HS6ST3: variants seen among roughly 807,000 people sequenced by gnomAD.
HS6ST3 encodes the protein heparan-sulfate 6-O-sulfotransferase 3.
HS6ST3 carries 12 observed loss-of-function variants against 36.7 expected under a neutral mutation model. The observed-to-expected ratio is 0.33, with a 90% CI of 0.21 to 0.53. The LOEUF is 0.53. Ranked by LOEUF, HS6ST3 falls within the 20% of genes least tolerant of loss-of-function variation. HS6ST3 has a pLI of 0.95. For synonymous variants in HS6ST3, 240 were observed against 257.5 expected, an observed-to-expected ratio of 0.93 and a Z score of 0.65; for missense variants, 584 against 640.9, an observed-to-expected ratio of 0.91 and a Z score of 0.96.
chr13:96,782,978 GA>G (rs1210151035), intron 1 of HS6ST3, among the ~76,000 whole-genome samples: 1 of 152,112 alleles, frequency 6.6e-6, no homozygotes, highest in Non-Finnish European at 1.5e-5. Context: ...TCATCTATAA[GA>G]ACAAGCAGAG....
chr13:96,800,890 C>G (rs1878048493), intron 1 of HS6ST3, among the ~76,000 whole-genome samples: 1 of 152,056 alleles, frequency 6.6e-6, no homozygotes, highest in Admixed American at 6.6e-5. Flanking sequence ...AAGAAAAACA[C>G]CTTTGGTGGC....
At chr13:96,505,342 C>T (rs1217011337) in intron 1 of HS6ST3, among the ~76,000 whole-genome samples, 1 of 152,130 alleles carries the variant, frequency 6.6e-6, no homozygotes, top group Non-Finnish European at 1.5e-5. Flanking sequence ...AGAATGTTCT[C>T]CCCACATTCC....
chr13:96,395,115 A>C (rs192191628), intron 1 of HS6ST3, among the ~76,000 whole-genome samples: 1 of 152,126 alleles, frequency 6.6e-6, no homozygotes, highest in African/African-American at 2.4e-5. Flanking sequence ...GAAGATTTCT[A>C]TTTGCTCCAG....
intron 1 of HS6ST3, among the ~76,000 whole-genome samples, chr13:96,174,242 C>G (rs79714800): frequency 0.026 from 3,952 of 152,200 alleles, 65 homozygotes; most frequent in South Asian, 0.055. Context: ...GCAATCACTT[C>G]CAGATTTTTC....
At position 96,453,218 on chromosome 13, in the gene HS6ST3, C is replaced by T. The variant is rs149320535; in HGVS notation, c.707+361649C>T. Among the ~76,000 whole-genome samples, 33 of 150,838 alleles carry T rather than the reference C, an allele frequency of 2.2e-4. No homozygotes were observed. In the East Asian group the frequency reaches 5.6e-3, roughly 26 times the overall value. ...AAAAGAAAAAAAGATTTAGAGAGTA[C>T]GAGTACATTCTTGCTACGTGGATAT... On this transcript the variant is annotated intron_variant, in intron 1 of 1. Transcript: ENST00000376705.
chr13:96,200,330 C>G (rs2054335268), intron 1 of HS6ST3, among the ~76,000 whole-genome samples: 1 of 152,186 alleles, frequency 6.6e-6, no homozygotes, highest in South Asian at 2.1e-4. Context: ...TCACTCTCCC[C>G]TACTTTCTTG....
At chr13:96,317,102 CCCATG>C (rs987119431) in intron 1 of HS6ST3, among the ~76,000 whole-genome samples, 15 of 151,668 alleles carry the variant, frequency 9.9e-5, no homozygotes, top group Non-Finnish European at 1.9e-4. Context: ...AGTTTTTCAG[CCCATG>C]CCTTCTTTCT....
At chr13:96,823,367 T>G (rs765855690) in intron 1 of HS6ST3, among the ~76,000 whole-genome samples, 22 of 152,222 alleles carry the variant, frequency 1.4e-4, no homozygotes, top group African/African-American at 4.3e-4. Flanking sequence ...AACTGGAGAT[T>G]GGCCATACAA....
At chr13:96,535,415 G>A (rs945365176) in intron 1 of HS6ST3, among the ~76,000 whole-genome samples, 1 of 151,828 alleles carries the variant, frequency 6.6e-6, no homozygotes, top group East Asian at 1.9e-4. Context: ...AAAATTAGCT[G>A]AGCATGGTGG....
intron 1 of HS6ST3, among the ~76,000 whole-genome samples, chr13:96,803,155 C>T (rs958899942): frequency 1.3e-5 from 2 of 151,322 alleles, no homozygotes; most frequent in Admixed American, 6.6e-5. Context: ...TACCTCATTC[C>T]CCCAGTGGAG....
In HS6ST3 at chr13:96,112,849, T is replaced by C. The variant is rs114278307; in HGVS notation, c.707+21280T>C. Among the ~76,000 whole-genome samples, 667 of 151,384 alleles carry C rather than the reference T, an allele frequency of 4.4e-3. 5 individuals are homozygous for C. The highest frequency in any genetic ancestry group is 0.015 in the African/African-American group (623 of 41,254). On this transcript the variant is annotated intron_variant, in intron 1 of 1. Coordinates refer to ENST00000376705, the MANE Select transcript of HS6ST3 (RefSeq NM_153456.4). ...GAAGAAGAAGAGGACTGGTGGAGGG[T>C]ATCTGTGGGTTTGTGTTGGCAGGAA...
At chr13:96,261,269 T>C (rs1465607789) in intron 1 of HS6ST3, among the ~76,000 whole-genome samples, 7 of 150,410 alleles carry the variant, frequency 4.7e-5, no homozygotes, top group African/African-American at 1.7e-4. Flanking sequence ...AATATATATA[T>C]ATATCCCTAA....
intron 1 of HS6ST3, among the ~76,000 whole-genome samples, chr13:96,572,860 A>C (rs1176915820): frequency 1.3e-5 from 2 of 152,166 alleles, no homozygotes; most frequent in Admixed American, 1.3e-4. Context: ...AGTGAACTAT[A>C]CCTTATCCAT....
intron 1 of HS6ST3, among the ~76,000 whole-genome samples, chr13:96,442,224 G>A (rs1008244504): frequency 6.6e-6 from 1 of 152,122 alleles, no homozygotes; most frequent in Non-Finnish European, 1.5e-5. Context: ...ATGTTGCCCA[G>A]ACTGGTCTTG....
At chr13:96,363,050 G>A (rs980200144) in intron 1 of HS6ST3, among the ~76,000 whole-genome samples, 1 of 152,012 alleles carries the variant, frequency 6.6e-6, no homozygotes, top group East Asian at 1.9e-4. Context: ...GTTTAGCACA[G>A]GTGACAGAAT....
intron 1 of HS6ST3, among the ~76,000 whole-genome samples, chr13:96,387,764 T>C (rs112971405): frequency 0.015 from 2,209 of 152,342 alleles, 29 homozygotes; most frequent in East Asian, 0.057. Context: ...TATTTGCTTA[T>C]TTCCTTATCC....
intron 1 of HS6ST3, among the ~76,000 whole-genome samples, chr13:96,471,963 G>A (rs189360614): frequency 1.8e-4 from 28 of 152,250 alleles, no homozygotes; most frequent in Admixed American, 1.7e-3. Flanking sequence ...TTCAAGGATC[G>A]GAACTGAAGA....
chr13:96,526,725 T>G (rs1239996959), intron 1 of HS6ST3, among the ~76,000 whole-genome samples: 1 of 152,182 alleles, frequency 6.6e-6, no homozygotes, highest in Non-Finnish European at 1.5e-5. Flanking sequence ...TGTTCATAAG[T>G]TTTTCTTCAT....
intron 1 of HS6ST3, among the ~76,000 whole-genome samples, chr13:96,598,184 G>T (rs771884561): frequency 7.2e-5 from 11 of 151,948 alleles, no homozygotes; most frequent in Non-Finnish European, 1.5e-4. Flanking sequence ...TAAATTTCAG[G>T]ATTGTTTTTC....
Sources: allele counts gnomAD v4.1 joint callset (sites outside exome capture counted in the v4.1 genomes callset), GRCh38; gene constraint gnomAD v4.1.1; transcripts MANE v1.5; gene names NCBI Gene and HGNC (gene_info 2026-07-23, HGNC 2026-07-21).